The following LRIG1 variants were observed in gnomAD, a reference collection of about 807,000 sequenced individuals.
LRIG1 encodes the protein leucine rich repeats and immunoglobulin like domains 1.
In LRIG1, 48 loss-of-function variants were observed where a neutral mutation model predicts 99.2. The observed-to-expected ratio is 0.48, with a 90% CI of 0.38 to 0.62. The LOEUF (loss-of-function observed/expected upper bound fraction) is 0.62. Among genes scored for constraint, LRIG1 ranks in the 20% least tolerant of loss-of-function variants. The pLI, the probability that LRIG1 is intolerant of heterozygous loss-of-function variation, is 0.00. For synonymous variants in LRIG1, 772 were observed against 596.1 expected, an observed-to-expected ratio of 1.29 and a Z score of -4.30; for missense variants, 1,646 against 1,434.4, an observed-to-expected ratio of 1.15 and a Z score of -2.38.
intron 3 of LRIG1, among the ~76,000 whole-genome samples, chr3:66,450,414 A>G (rs1703866303): frequency 6.6e-6 from 1 of 152,192 alleles, no homozygotes; most frequent in Non-Finnish European, 1.5e-5. Context: ...AAAATGCATT[A>G]TGTAAATGAG....
intron 2 of LRIG1, among the ~76,000 whole-genome samples, chr3:66,451,958 C>T (rs942330172): frequency 2.0e-5 from 3 of 152,140 alleles, no homozygotes. Flanking sequence ...GGGACAAAAG[C>T]GCCCCTAAGA....
At position 66,380,453 on chromosome 3, in the gene LRIG1, G is replaced by C. The variant is rs332374; in HGVS notation, c.3092C>G (p.Pro1031Arg). Residue 1031 changes from proline (P) to arginine (R), a missense_variant, in exon 19 of 19, where the codon CCG becomes CGG. By Grantham distance (103) the Pro-to-Arg change is moderately radical (BLOSUM62 -2). Transcript: ENST00000273261. ...TGCAGGCTGTAGCTCTGTGGAGTCC[G>C]GGTGATACAACCTTGCTAAAGTCCA... is the stretch of plus-strand genomic sequence containing the variant. ...SSWTLARLYH[P>R]DSTELQPASS... 0.046 allele frequency: 74,073 copies of C among 1,614,004 alleles called. 2,405 individuals carry two copies. The highest frequency in any genetic ancestry group is 0.14 in the African/African-American group (10,803 of 74,956).
At chr3:66,395,310 C>T (rs140380562) in intron 11 of LRIG1, among the ~76,000 whole-genome samples, 1 of 152,322 alleles carries the variant, frequency 6.6e-6, no homozygotes, top group East Asian at 1.9e-4. Flanking sequence ...CCACTGTCCT[C>T]AGACATCAAC....
intron 3 of LRIG1, 120 bp from the exon 4 acceptor site, chr3:66,417,386 A>T (rs1702647883): frequency 9.9e-7 from 1 of 1,014,722 alleles, no homozygotes; most frequent in Non-Finnish European, 1.5e-6. Context: ...GCTCTTAAAA[A>T]TGAGATCTCC....
At position 66,459,988 on chromosome 3, in the gene LRIG1, T is replaced by TG. The variant is rs908505359; in HGVS notation, c.290+2449_290+2450insC. ...TTTTATATTTTACTCATCATTTTTT[T>TG]TTTACATTCATTTTGACTTTCAAAA... On this transcript the variant is annotated intron_variant, in intron 2 of 18. Transcript: ENST00000273261. 4.6e-4 allele frequency among the ~76,000 whole-genome samples: 70 copies of TG among 152,298 alleles called. 1 individual carries two copies. The highest frequency in any genetic ancestry group is 1.7e-3 in the African/African-American group (69 of 41,568).
chr3:66,419,081 T>G (rs1035134933), intron 3 of LRIG1, among the ~76,000 whole-genome samples: 2 of 152,224 alleles, frequency 1.3e-5, no homozygotes, highest in Non-Finnish European at 2.9e-5. Flanking sequence ...GAGCTGAGTC[T>G]TATCCGGGAA....
rs116659335 is a variant in LRIG1 at position 66,490,748 on chromosome 3, A to C, written c.218+9442T>G. 9.6e-3 allele frequency among the ~76,000 whole-genome samples: 1,463 copies of C among 152,346 alleles called. 29 individuals carry two copies. The highest frequency in any genetic ancestry group is 0.033 in the African/African-American group (1,384 of 41,584). ...TCATATAAATTTAATTAAGCTTCACAGATCCACCAGTTTAACCTGACCATG... is the reference window on the plus strand; with the variant it reads ...TCATATAAATTTAATTAAGCTTCACCGATCCACCAGTTTAACCTGACCATG... On this transcript the variant is annotated intron_variant, in intron 1 of 18. Coordinates refer to ENST00000273261, the MANE Select transcript of LRIG1 (RefSeq NM_015541.3).
rs190448124 is a variant in LRIG1 at position 66,453,638 on chromosome 3, G to A, written c.291-2005C>T. 4.6e-3 allele frequency among the ~76,000 whole-genome samples: 698 copies of A among 152,240 alleles called. 11 individuals are homozygous for A. Among genetic ancestry groups the A allele is most frequent in the African/African-American group, 0.012 (502 of 41,532 alleles). ...TCTACATTACCGGTAAGTTCTCTAG[G>A]CCAGTTTAAGTCACTCATCTAGGGT... On this transcript the variant is annotated intron_variant, in intron 2 of 18. Transcript: ENST00000273261.
chr3:66,468,255 T>G (rs183885721), intron 1 of LRIG1, among the ~76,000 whole-genome samples: 1 of 152,296 alleles, frequency 6.6e-6, no homozygotes, highest in African/African-American at 2.4e-5. Context: ...CCCACTTCGT[T>G]AGACAACAGA....
chr3:66,419,992 C>T (rs1018803864), intron 3 of LRIG1, among the ~76,000 whole-genome samples: 2 of 152,058 alleles, frequency 1.3e-5, no homozygotes, highest in Admixed American at 6.6e-5. Context: ...CAGAGAGACC[C>T]GCTAAAAATA....
In LRIG1 at chr3:66,427,991, A is replaced by G. The variant is rs114740998; in HGVS notation, c.366-10725T>C. On this transcript the variant is annotated intron_variant, in intron 3 of 18. Transcript: ENST00000273261. Reference sequence around the variant, plus strand: ...TAATTCTTTTCTATCACTGTACGATATTTCTATTGACAGAACATACAGCAA... The same window carrying G: ...TAATTCTTTTCTATCACTGTACGATGTTTCTATTGACAGAACATACAGCAA... Among the ~76,000 whole-genome samples, 368 of 152,290 alleles carry G rather than the reference A, an allele frequency of 2.4e-3. 1 individual carries two copies. Among genetic ancestry groups the G allele is most frequent in the African/African-American group, 8.4e-3 (350 of 41,554 alleles).
intron 2 of LRIG1, among the ~76,000 whole-genome samples, chr3:66,454,655 G>A (rs1700169870): frequency 6.6e-6 from 1 of 152,092 alleles, no homozygotes; most frequent in African/African-American, 2.4e-5. Flanking sequence ...TCAGACCCAT[G>A]AATCACGGCC....
At chr3:66,386,355 C>T in intron 12 of LRIG1, 54 bp from the exon 13 acceptor site, 3 of 1,465,422 alleles carry the variant, frequency 2.0e-6, no homozygotes, top group Non-Finnish European at 2.8e-6. Flanking sequence ...CACAGAGGAA[C>T]CAGCTGCTGT....
chr3:66,384,363 C>A, intron 13 of LRIG1, 91 bp from the exon 14 acceptor site: 1 of 1,333,322 alleles, frequency 7.5e-7, no homozygotes, highest in South Asian at 1.3e-5. Flanking sequence ...GTCACTGTGC[C>A]CAGTGCCAGT....
At chr3:66,405,760 T>C (rs1469897243) in intron 8 of LRIG1, 4 of 1,161,358 alleles carry the variant, frequency 3.4e-6, no homozygotes, top group South Asian at 1.8e-5. Flanking sequence ...TACCAGCCAG[T>C]GGGTCTGGAG....
intron 1 of LRIG1, among the ~76,000 whole-genome samples, chr3:66,491,762 C>T (rs1701106335): frequency 1.3e-5 from 2 of 152,034 alleles, no homozygotes; most frequent in East Asian, 3.9e-4. Flanking sequence ...CATGGAAGGG[C>T]AGCAGCATAT....
At chr3:66,397,974 C>T in intron 11 of LRIG1, 138 bp downstream of exon 11, 1 of 672,652 alleles carries the variant, frequency 1.5e-6, no homozygotes, top group Non-Finnish European at 2.6e-6. Flanking sequence ...GTAGTCATGA[C>T]AGAGACTCTG....
chr3:66,478,320 TG>T (rs1700770413), intron 1 of LRIG1, among the ~76,000 whole-genome samples: 1 of 152,212 alleles, frequency 6.6e-6, no homozygotes, highest in Non-Finnish European at 1.5e-5. Context: ...TAAGGGCAGA[TG>T]TGTAGGACAG....
intron 1 of LRIG1, among the ~76,000 whole-genome samples, chr3:66,475,113 C>T (rs896454890): frequency 2.6e-5 from 4 of 152,192 alleles, no homozygotes; most frequent in African/African-American, 9.6e-5. Context: ...GGCAGCTGCC[C>T]TATGAAAACA....
Sources: allele counts gnomAD v4.1 joint callset (sites outside exome capture counted in the v4.1 genomes callset), GRCh38; gene constraint gnomAD v4.1.1; transcripts MANE v1.5; gene names NCBI Gene and HGNC (gene_info 2026-07-23, HGNC 2026-07-21).